ANKS1B: variants seen among roughly 807,000 people sequenced by gnomAD.
The protein encoded by ANKS1B is ankyrin repeat and sterile alpha motif domain containing 1B.
A neutral mutation model predicts 148.3 loss-of-function variants in ANKS1B; 36 were observed. The ratio of observed to expected loss-of-function variants is 0.24; its 90% CI spans 0.19 to 0.32. ANKS1B has a LOEUF of 0.32. Among genes scored for constraint, ANKS1B ranks in the 10% least tolerant of loss-of-function variants. The pLI, the probability that ANKS1B is intolerant of heterozygous loss-of-function variation, is 1.00. For missense variants in ANKS1B, 1,157 were observed against 1,542.6 expected, an observed-to-expected ratio of 0.75 and a Z score of 4.19; for synonymous variants, 542 against 560.8, an observed-to-expected ratio of 0.97 and a Z score of 0.47.
At chr12:98,861,697 C>T (rs2152177366) in intron 17 of ANKS1B, among the ~76,000 whole-genome samples, 1 of 152,308 alleles carries the variant, frequency 6.6e-6, no homozygotes, top group African/African-American at 2.4e-5. Flanking sequence ...AATTTCTAGT[C>T]TGAAGATATT....
chr12:99,767,492 C>T (rs2062764648), intron 8 of ANKS1B, among the ~76,000 whole-genome samples: 1 of 152,036 alleles, frequency 6.6e-6, no homozygotes, highest in South Asian at 2.1e-4. Flanking sequence ...CTATGGCATG[C>T]TGTGTTCACA....
intron 17 of ANKS1B, among the ~76,000 whole-genome samples, chr12:99,012,157 G>A (rs2099939836): frequency 6.6e-6 from 1 of 152,190 alleles, no homozygotes; most frequent in African/African-American, 2.4e-5. Flanking sequence ...CCAAATTCGT[G>A]TTATGCTCAA....
At chr12:99,036,362 C>A (rs1418304049) in intron 17 of ANKS1B, among the ~76,000 whole-genome samples, 1 of 151,922 alleles carries the variant, frequency 6.6e-6, no homozygotes, top group Non-Finnish European at 1.5e-5. Flanking sequence ...ACTCAAGACC[C>A]AAACTGTTTT....
chr12:99,513,375 CACA>C (rs1473424650), intron 9 of ANKS1B, among the ~76,000 whole-genome samples: 1 of 152,012 alleles, frequency 6.6e-6, no homozygotes, highest in African/African-American at 2.4e-5. Flanking sequence ...AAACCAAACT[CACA>C]ACATTTGTGA....
chr12:98,782,048 A>C, intron 23 of ANKS1B, 78 bp downstream of exon 23: 1 of 1,188,656 alleles, frequency 8.4e-7, no homozygotes, highest in Non-Finnish European at 1.2e-6. Context: ...ATTCATCACC[A>C]GTCACCAGCA....
At chr12:99,780,000 T>C in intron 5 of ANKS1B, 28 bp from the exon 6 acceptor site, 1 of 1,445,994 alleles carries the variant, frequency 6.9e-7, no homozygotes, top group Non-Finnish European at 9.7e-7. Flanking sequence ...ACTCACTAGA[T>C]ATACACCACT....
At chr12:99,750,948 G>T (rs893672575) in intron 8 of ANKS1B, among the ~76,000 whole-genome samples, 8 of 151,640 alleles carry the variant, frequency 5.3e-5, no homozygotes, top group African/African-American at 1.7e-4. Context: ...AACTAATATA[G>T]CTTATGATTA....
At chr12:99,425,407 A>T (rs2095230744) in intron 11 of ANKS1B, among the ~76,000 whole-genome samples, 1 of 151,934 alleles carries the variant, frequency 6.6e-6, no homozygotes, top group Admixed American at 6.5e-5. Context: ...TATTTTACAG[A>T]ATTGTTTCCT....
chr12:99,362,136 T>C (rs935444793), intron 12 of ANKS1B, among the ~76,000 whole-genome samples: 7 of 152,048 alleles, frequency 4.6e-5, no homozygotes, highest in African/African-American at 1.7e-4. Flanking sequence ...AGATAGCATA[T>C]TGCTAAAATC....
intron 15 of ANKS1B, among the ~76,000 whole-genome samples, chr12:99,131,295 T>G (rs1405731403): frequency 6.6e-6 from 1 of 152,244 alleles, no homozygotes; most frequent in Non-Finnish European, 1.5e-5. Flanking sequence ...TTTCTTAACT[T>G]ACTTAATGCT....
At chr12:99,444,625 T>C (rs1046448313) in intron 10 of ANKS1B, among the ~76,000 whole-genome samples, 1 of 151,996 alleles carries the variant, frequency 6.6e-6, no homozygotes, top group Admixed American at 6.6e-5. Context: ...AAATAACTTC[T>C]GGTAGCACAT....
chr12:99,766,898 C>T (rs1011731812), intron 8 of ANKS1B, among the ~76,000 whole-genome samples: 2 of 152,022 alleles, frequency 1.3e-5, no homozygotes, highest in Admixed American at 1.3e-4. Context: ...TTGATGCATT[C>T]CTGATAATAA....
intron 17 of ANKS1B, among the ~76,000 whole-genome samples, chr12:98,941,877 C>G (rs1203769938): frequency 6.6e-6 from 1 of 152,064 alleles, no homozygotes; most frequent in African/African-American, 2.4e-5. Context: ...AGCTGTGGCA[C>G]AGTAAGTTTA....
intron 8 of ANKS1B, among the ~76,000 whole-genome samples, chr12:99,678,047 T>TTTG (rs2098591254): frequency 6.6e-6 from 1 of 152,066 alleles, no homozygotes. Context: ...AACACTTCAA[T>TTTG]AAGGGAGAAT....
chr12:99,894,819 T>C (rs1328115028), intron 1 of ANKS1B, among the ~76,000 whole-genome samples: 1 of 149,834 alleles, frequency 6.7e-6, no homozygotes, highest in East Asian at 1.9e-4. Flanking sequence ...ATATAATAAA[T>C]ATCCAACAAT....
At chr12:99,029,156 C>T (rs1340871500) in intron 17 of ANKS1B, among the ~76,000 whole-genome samples, 1 of 152,102 alleles carries the variant, frequency 6.6e-6, no homozygotes, top group East Asian at 1.9e-4. Flanking sequence ...GCTGGCTTAA[C>T]CAACGATAGG....
At chr12:98,929,897 A>T (rs556000037) in intron 17 of ANKS1B, among the ~76,000 whole-genome samples, 37 of 152,258 alleles carry the variant, frequency 2.4e-4, no homozygotes, top group African/African-American at 8.9e-4. Context: ...CTTAGCAATG[A>T]CACTGAAAGC....
chr12:99,522,053 T>C (rs1023635791), intron 9 of ANKS1B, among the ~76,000 whole-genome samples: 3 of 152,340 alleles, frequency 2.0e-5, no homozygotes, highest in African/African-American at 7.2e-5. Flanking sequence ...TAAGTTTACC[T>C]GATGTTCTAT....
chr12:99,218,457 T>G (rs1007888036), intron 14 of ANKS1B, among the ~76,000 whole-genome samples: 1 of 152,206 alleles, frequency 6.6e-6, no homozygotes, highest in African/African-American at 2.4e-5. Context: ...CAATCTCTGT[T>G]TCTGTATACA....
Sources: gnomAD v4.1 joint callset for allele counts (sites outside exome capture counted in the v4.1 genomes callset) on GRCh38, gnomAD v4.1.1 for gene constraint, MANE v1.5 for transcripts, NCBI Gene and HGNC (gene_info 2026-07-23, HGNC 2026-07-21) for gene names.